GPR161: variants seen among roughly 807,000 people sequenced by gnomAD.
GPR161 encodes the protein G-protein coupled receptor RE2.
In GPR161, 25 loss-of-function variants were observed where a neutral mutation model predicts 39.2. The observed-to-expected ratio is 0.64, with a 90% CI of 0.47 to 0.89. The LOEUF is 0.89. Among genes scored for constraint, GPR161 ranks in the 40% least tolerant of loss-of-function variants. GPR161 has a pLI of 0.00. For missense variants in GPR161, 547 were observed against 677.8 expected (o/e 0.81, Z 2.14); for synonymous variants, 286 against 276.6 (o/e 1.03, Z -0.34).
In GPR161 at chr1:168,125,616, TC is replaced by T. The variant is rs538405258; in HGVS notation, c.-45+11122del. On this transcript the variant is annotated intron_variant, in intron 1 of 5. Transcript: ENST00000682931. ...TGTACAGTATCTTGACTATCTTGCT[TC>T]CCCCCCCTTTTTTTTTTTTTGAGAC... Among the ~76,000 whole-genome samples the T allele has an allele frequency of 6.2e-4, 86 of 139,474 alleles. 2 individuals carry two copies. In the South Asian group the frequency reaches 0.015, roughly 25 times the overall value. The allele number at this position is 139,474 out of a possible 152,430, so 91.5% of individuals were successfully genotyped here.
chr1:168,089,840 CATGACTCTG>C (rs2102108638), intron 4 of GPR161, among the ~76,000 whole-genome samples: 2 of 152,374 alleles, frequency 1.3e-5, no homozygotes, highest in South Asian at 4.1e-4. Flanking sequence ...TCCCCGGTGC[CATGACTCTG>C]ATGCCAGGAA....
At position 168,085,106 on chromosome 1, in the gene GPR161, C is replaced by A; in HGVS notation, c.*425G>T. ...CCTTCACAGTACACTGGGGAGGGTT[C>A]TCCTCCTGAGGCATCTGGCACAGTG... On this transcript the variant is annotated 3_prime_UTR_variant, in exon 6 of 6. Coordinates refer to ENST00000682931, the MANE Select transcript of GPR161 (RefSeq NM_001375883.1). 2.2e-6 allele frequency: 1 copy of A among 458,932 alleles called. No homozygotes were observed. Among genetic ancestry groups the A allele is most frequent in the Non-Finnish European group, 4.4e-6 (1 of 229,360 alleles). 28.4% of individuals were successfully genotyped at this position (458,932 alleles called of 1,614,324 possible). A position where few individuals can be genotyped will look rare whatever the true frequency, so the allele number is the denominator to read the frequency against.
intron 1 of GPR161, among the ~76,000 whole-genome samples, chr1:168,124,027 A>G (rs563817459): frequency 1.3e-5 from 2 of 152,312 alleles, no homozygotes; most frequent in South Asian, 4.1e-4. Flanking sequence ...GAGCTGAGGA[A>G]GGCAAACTGT....
chr1:168,109,234 G>A (rs1348905047), intron 1 of GPR161, among the ~76,000 whole-genome samples: 1 of 152,130 alleles, frequency 6.6e-6, no homozygotes, highest in Non-Finnish European at 1.5e-5. Flanking sequence ...TGTCACTGAT[G>A]TGAACATGTT....
chr1:168,093,092 T>C (rs1255287903), intron 3 of GPR161, among the ~76,000 whole-genome samples: 2 of 152,182 alleles, frequency 1.3e-5, no homozygotes, highest in Non-Finnish European at 2.9e-5. Context: ...CCATTGCCAG[T>C]AGCCACCAGT....
intron 2 of GPR161, 32 bp downstream of exon 2, chr1:168,104,445 C>A: frequency 1.3e-6 from 2 of 1,571,522 alleles, no homozygotes; most frequent in Non-Finnish European, 8.7e-7. Flanking sequence ...CGTCAGTAAT[C>A]CCTCAATTCT....
chr1:168,085,707 C>T lies in GPR161; in HGVS notation c.1414G>A (p.Ala472Thr), dbSNP rs745558794. ...YAASLAKAIE[A>T]EAKINLFGEE... Reference sequence around the variant, plus strand: ...CCAAATAAGTTGATTTTGGCTTCGGCCTCAATGGCTTTGGCCAAGCTTGCT... The same window carrying T: ...CCAAATAAGTTGATTTTGGCTTCGGTCTCAATGGCTTTGGCCAAGCTTGCT... The change falls in exon 6 of 6, where the codon GCC (alanine) becomes ACC (threonine). Residue 472 changes from alanine to threonine, a missense_variant. Ala to Thr is a moderately conservative substitution (Grantham distance 58). Transcript: ENST00000682931. 6.2e-7 allele frequency: 1 copy of T among 1,614,250 alleles called. No individual in the cohort carries two copies. Among genetic ancestry groups the T allele is most frequent in the Non-Finnish European group, 8.5e-7 (1 of 1,180,032 alleles).
At chr1:168,126,947 A>G (rs903169624) in intron 1 of GPR161, among the ~76,000 whole-genome samples, 2 of 152,202 alleles carry the variant, frequency 1.3e-5, no homozygotes, top group African/African-American at 4.8e-5. Flanking sequence ...AATCTTTACC[A>G]AACCCAGGTC....
rs1019133667 is a variant in GPR161 at position 168,079,867 on chromosome 1, G to T, written c.*5664C>A. The T allele has an allele frequency of 6.6e-6, 1 of 151,990 alleles. No individual in the cohort carries two copies. The highest frequency in any genetic ancestry group is 1.5e-5 in the Non-Finnish European group (1 of 68,018). 9.4% of individuals were successfully genotyped at this position (151,990 alleles called of 1,614,324 possible). On this transcript the variant is annotated 3_prime_UTR_variant, in exon 6 of 6. Coordinates refer to ENST00000682931, the MANE Select transcript of GPR161 (RefSeq NM_001375883.1). ...CTCCCTAGGACTGTCTTTTCCTCTG[G>T]GAGGACTGACTCACCTGTGATTTGT...
At chr1:168,119,243 C>CATATATAT (rs1356587338) in intron 1 of GPR161, among the ~76,000 whole-genome samples, 21 of 101,516 alleles carry the variant, frequency 2.1e-4, no homozygotes, top group Non-Finnish European at 3.4e-4. Context: ...TATATATATA[C>CATATATAT]ACATATATAT....
In GPR161 at chr1:168,090,575, G is replaced by A. The variant is rs1403223557; in HGVS notation, c.1193C>T (p.Ser398Phe). 6.3e-7 allele frequency: 1 copy of A among 1,596,798 alleles called. No homozygotes were observed. The highest frequency in any genetic ancestry group is 8.6e-7 in the Non-Finnish European group (1 of 1,164,404). The change falls in exon 4 of 6, where the codon TCC becomes TTC. Residue 398 changes from serine (S) to phenylalanine (F), a missense_variant. Ser to Phe is a radical substitution (Grantham distance 155). Coordinates refer to ENST00000682931, the MANE Select transcript of GPR161 (RefSeq NM_001375883.1). ...AGCACGCAGGTTACCTGAGTCCTGG[G>A]AGCAGCTGAAGCCAGTGTCCCCCGT... ...SSTGDTGFSC[S>F]QDSGTDMMLL...
rs1247153475 is a variant in GPR161 at position 168,098,880 on chromosome 1, C to G, written c.375-1648G>C. Among the ~76,000 whole-genome samples the G allele has an allele frequency of 6.6e-6, 1 of 152,220 alleles. No homozygotes were observed. The highest frequency in any genetic ancestry group is 1.5e-5 in the Non-Finnish European group (1 of 68,050). On this transcript the variant is annotated intron_variant, in intron 2 of 5. Transcript: ENST00000682931. This position sits in a 1 kb window ranked among gnomAD's most constrained non-coding sequence, Gnocchi z 4.1. ...CAAGGGAAAAAGCATGCCTTTGGAG[C>G]TGGAAATTCAAGTTCAGATGGAGGC...
intron 1 of GPR161, among the ~76,000 whole-genome samples, chr1:168,119,248 ATATATATACG>A (rs1418790677): frequency 8.7e-6 from 1 of 115,546 alleles, no homozygotes; most frequent in Admixed American, 8.3e-5. Flanking sequence ...ATATACACAT[ATATATATACG>A]TATATATATG....
Position 168,085,386 on chromosome 1 carries a change from G to T in GPR161, c.*145C>A. On this transcript the variant is annotated 3_prime_UTR_variant, in exon 6 of 6. Coordinates refer to ENST00000682931, the MANE Select transcript of GPR161 (RefSeq NM_001375883.1). Reference sequence around the variant, plus strand: ...GACATTATTTTCAGTCCTTGTCCTGGTGGCTGCATACCAGATGCTGCTCCT... The same window carrying T: ...GACATTATTTTCAGTCCTTGTCCTGTTGGCTGCATACCAGATGCTGCTCCT... The T allele has an allele frequency of 1.4e-6, 1 of 702,258 alleles. No homozygotes were observed. Among genetic ancestry groups the T allele is most frequent in the South Asian group, 1.8e-5 (1 of 56,050 alleles). 43.5% of individuals were successfully genotyped at this position (702,258 alleles called of 1,614,324 possible).
At chr1:168,095,481 A>T (rs1472427827) in intron 3 of GPR161, among the ~76,000 whole-genome samples, 1 of 152,070 alleles carries the variant, frequency 6.6e-6, no homozygotes, top group African/African-American at 2.4e-5. Context: ...AAAAGTTTTA[A>T]CAAAAAATCT....
At chr1:168,104,372 A>C in intron 2 of GPR161, 105 bp downstream of exon 2, 2 of 879,034 alleles carry the variant, frequency 2.3e-6, no homozygotes, top group Non-Finnish European at 3.6e-6. Context: ...TCCCCCAGCA[A>C]GGGCCCCTGA....
At chr1:168,113,196 C>T (rs1259000288) in intron 1 of GPR161, among the ~76,000 whole-genome samples, 1 of 152,210 alleles carries the variant, frequency 6.6e-6, no homozygotes, top group Non-Finnish European at 1.5e-5. Flanking sequence ...CATTTCTACT[C>T]TCTGGGGCTG....
chr1:168,117,255 T>C (rs1045524506), intron 1 of GPR161, among the ~76,000 whole-genome samples: 2 of 152,192 alleles, frequency 1.3e-5, no homozygotes, highest in African/African-American at 4.8e-5. Context: ...ATTTCCAGAG[T>C]ATTGCTTAAT....
At position 168,087,662 on chromosome 1, in the gene GPR161, T is replaced by C. The variant is rs1276399691; in HGVS notation, c.1247A>G (p.Asn416Ser). ...MLLEDYTSDD[N>S]PPSHCTCPPK... The stretch of plus-strand genomic sequence containing the variant: ...TGGGCAAGTGCAGTGAGAGGGAGGG[T>C]TGTCATCAGACGTGTAGTCCTCAAG... Residue 416 changes from asparagine (N) to serine (S), a missense_variant, in exon 5 of 6, where the codon AAC becomes AGC. Asn to Ser is a conservative substitution (Grantham distance 46). Transcript: ENST00000682931. 3.7e-6 allele frequency: 6 copies of C among 1,613,790 alleles called. No homozygotes were observed. Among genetic ancestry groups the C allele is most frequent in the Admixed American group, 1.7e-5 (1 of 59,996 alleles).
Sources: allele counts gnomAD v4.1 joint callset (sites outside exome capture counted in the v4.1 genomes callset), GRCh38; gene constraint gnomAD v4.1.1; non-coding constraint Gnocchi (gnomAD v3.1); transcripts MANE v1.5; gene names NCBI Gene and HGNC (gene_info 2026-07-23, HGNC 2026-07-21).